Variants in NOTCH1 observed in about 807,000 individuals in gnomAD.
NOTCH1 encodes notch receptor 1.
A neutral mutation model predicts 254.8 loss-of-function variants in NOTCH1; 37 were observed. The ratio of observed to expected loss-of-function variants is 0.15; its 90% CI spans 0.11 to 0.19. The LOEUF is 0.19. NOTCH1 is among the 10% of genes least tolerant of loss of function. The probability of loss-of-function intolerance (pLI) is 1.00; values close to 1 mark genes in which losing one functional copy is unlikely to be tolerated. For missense variants in NOTCH1, 2,972 were observed against 3,708.6 expected, an observed-to-expected ratio of 0.80 and a Z score of 5.16; for synonymous variants, 1,731 against 1,618.1, an observed-to-expected ratio of 1.07 and a Z score of -1.68.
At chr9:136,536,884 C>T (rs948792140) in intron 2 of NOTCH1, among the ~76,000 whole-genome samples, 1 of 152,262 alleles carries the variant, frequency 6.6e-6, no homozygotes, top group African/African-American at 2.4e-5. Flanking sequence ...AATAAAGACC[C>T]TCTACTTTGC....
intron 2 of NOTCH1, among the ~76,000 whole-genome samples, chr9:136,535,545 C>T (rs189002100): frequency 6.3e-4 from 25 of 39,990 alleles, no homozygotes; most frequent in Admixed American, 1.4e-3. Flanking sequence ...GGATCCCTCC[C>T]GGGGCAATGG....
rs544228502 is a variant in NOTCH1 at position 136,533,939 on chromosome 9, G to T, written c.141-9960C>A. ...AATAAAGCCAGGTCTCCCCGCCGTGGCTCCCTGGGCGGGTGCCTGTGGCTC... is the reference window on the plus strand; with the variant it reads ...AATAAAGCCAGGTCTCCCCGCCGTGTCTCCCTGGGCGGGTGCCTGTGGCTC... On this transcript the variant is annotated intron_variant, in intron 2 of 33. Transcript: ENST00000651671. Among the ~76,000 whole-genome samples the T allele has an allele frequency of 2.6e-5, 4 of 152,374 alleles. No individual in the cohort carries two copies. In the South Asian group the frequency reaches 8.3e-4, roughly 32 times the overall value.
rs373795647 is a variant in NOTCH1 at position 136,505,150 on chromosome 9, C to A, written c.4587-46G>T. ...TCAGGCCGCCTTCCTCGGGGGGCCTCGCACCCGCCGTCCGGTGCCTCCAGC... is the reference window on the plus strand; with the variant it reads ...TCAGGCCGCCTTCCTCGGGGGGCCTAGCACCCGCCGTCCGGTGCCTCCAGC... On this transcript the variant is annotated intron_variant, in intron 25 of 33. Transcript: ENST00000651671. 3.8e-6 allele frequency: 6 copies of A among 1,567,590 alleles called. No homozygotes were observed. In the Admixed American group the frequency reaches 8.7e-5, roughly 23 times the overall value.
rs1177381686 is a variant in NOTCH1, at chr9:136,512,823, G to C, written c.2467+198C>G. 2.0e-5 allele frequency among the ~76,000 whole-genome samples: 3 copies of C among 152,160 alleles called. No homozygotes were observed. The East Asian group carries it at 5.8e-4, about 29-fold the overall frequency. The stretch of plus-strand genomic sequence containing the variant: ...GGCCCACATACTGCAGGGGCCTAAG[G>C]CACTCAGTGAGGCGCAGAACCTTCT... On this transcript the variant is annotated intron_variant, in intron 15 of 33. Coordinates refer to ENST00000651671, the MANE Select transcript of NOTCH1 (RefSeq NM_017617.5).
At position 136,504,986 on chromosome 9, in the gene NOTCH1, G is replaced by A. The variant is rs2133337305; in HGVS notation, c.4705C>T (p.Leu1569=). The A allele has an allele frequency of 1.3e-6, 2 of 1,596,292 alleles. No individual in the cohort carries two copies. The highest frequency in any genetic ancestry group is 1.7e-6 in the Non-Finnish European group (2 of 1,172,850). The change falls in exon 26 of 34, where the codon CTG becomes TTG. Residue 1569 remains leucine (L), a synonymous_variant. Transcript: ENST00000651671. ...ACCACCACCAGCGTGCCGGCCGCCA[G>A]CCTCTCGGGTACATGCTCCGCACAG... ...LDCAEHVPER[L]AAGTLVVVVL...
intron 2 of NOTCH1, among the ~76,000 whole-genome samples, chr9:136,531,028 C>T (rs1469949513): frequency 6.6e-6 from 1 of 152,264 alleles, no homozygotes; most frequent in Admixed American, 6.5e-5. Context: ...GGCTCCTGTT[C>T]TCCTCTGGAG....
At chr9:136,535,887 GTGGA>G (rs1843646128) in intron 2 of NOTCH1, among the ~76,000 whole-genome samples, 1 of 121,426 alleles carries the variant, frequency 8.2e-6, no homozygotes, top group Admixed American at 8.2e-5. Flanking sequence ...GTGGGAGTGG[GTGGA>G]GGGGGGAGCA....
Position 136,496,531 on chromosome 9 carries a change from T to C in NOTCH1, c.7208A>G (p.Gln2403Arg), listed in dbSNP as rs1330134407. 3 of 1,607,062 alleles carry C rather than the reference T, an allele frequency of 1.9e-6. No homozygotes were observed. Among genetic ancestry groups the C allele is most frequent in the Non-Finnish European group, 2.5e-6 (3 of 1,179,940 alleles). Residue 2403 changes from glutamine (Q) to arginine (R), a missense_variant, in exon 34 of 34, where the codon CAG (glutamine) becomes CGG (arginine). By Grantham distance (43) the Gln-to-Arg change is conservative. Transcript: ENST00000651671. ...QQQNLQPANIQQQQSLQPPPP... is the reference protein window; with the variant it reads ...QQQNLQPANIRQQQSLQPPPP... ...TGGCGGCTGCAGGCTTTGCTGCTGC[T>C]GGATGTTTGCTGGCTGCAGGTTCTG...
chr9:136,535,005 G>C (rs1181979759), intron 2 of NOTCH1, among the ~76,000 whole-genome samples: 94 of 30,644 alleles, frequency 3.1e-3, no homozygotes, highest in South Asian at 4.0e-3. Context: ...AGAGCCCCCA[G>C]TCCCTCCCCA....
intron 19 of NOTCH1, among the ~76,000 whole-genome samples, 182 bp downstream of exon 19, chr9:136,508,688 C>A (rs894323430): frequency 1.3e-5 from 2 of 152,248 alleles, no homozygotes; most frequent in Non-Finnish European, 2.9e-5. Flanking sequence ...AACGAAGGTG[C>A]CTGCTGCTTC....
At position 136,496,500 on chromosome 9, in the gene NOTCH1, T is replaced by C. The variant is rs772765037; in HGVS notation, c.7239A>G (p.Pro2413=). 1 of 1,602,218 alleles carries C rather than the reference T, an allele frequency of 6.2e-7. No homozygotes were observed. The highest frequency in any genetic ancestry group is 1.3e-5 in the African/African-American group (1 of 75,054). ...QQQQSLQPPP[P]PPQPHLGVSS... ...TCACGCCAAGGTGCGGCTGTGGTGG[T>C]GGTGGTGGCGGCTGCAGGCTTTGCT... The change falls in exon 34 of 34, where the codon CCA becomes CCG. Residue 2413 remains proline (P), a synonymous_variant. Coordinates refer to ENST00000651671, the MANE Select transcript of NOTCH1 (RefSeq NM_017617.5).
rs998046650 is a variant in NOTCH1, at chr9:136,507,815, C to T, written c.3510+140G>A. 4.7e-5 allele frequency: 43 copies of T among 916,976 alleles called. No individual in the cohort carries two copies. The African/African-American group carries it at 5.9e-4, about 13-fold the overall frequency. 56.8% of individuals were successfully genotyped at this position (916,976 alleles called of 1,614,324 possible). ...CTTCCAGGCAGTCTACCCTGATTACCCCAGCCCTCCCCTAATGAGACTGAA... is the reference window on the plus strand; with the variant it reads ...CTTCCAGGCAGTCTACCCTGATTACTCCAGCCCTCCCCTAATGAGACTGAA... On this transcript the variant is annotated intron_variant, in intron 21 of 33. Transcript: ENST00000651671.
At chr9:136,512,883 C>T (rs1352402292) in intron 15 of NOTCH1, 138 bp downstream of exon 15, 2 of 655,002 alleles carry the variant, frequency 3.1e-6, no homozygotes, top group East Asian at 3.0e-5. Flanking sequence ...ACCACTTTAC[C>T]CTCCAGTCAC....
At position 136,507,412 on chromosome 9, in the gene NOTCH1, T is replaced by A. The variant is rs1364764887; in HGVS notation, c.3536A>T (p.Asn1179Ile). The change falls in exon 22 of 34, where the codon AAC becomes ATC. Residue 1179 changes from asparagine to isoleucine, a missense_variant. Physicochemically the swap from Asn to Ile is moderately radical, Grantham distance 149. This residue lies in a region of NOTCH1 where 1,343 missense variants were observed against 1,557.0 expected (regional missense o/e 0.86). Coordinates refer to ENST00000651671, the MANE Select transcript of NOTCH1 (RefSeq NM_017617.5). ...CKCVAGYHGV[N>I]CSEEIDECLS... The stretch of plus-strand genomic sequence containing the variant: ...GCACTCGTCGATCTCCTCAGAGCAG[T>A]TCACCCCGTGGTAGCCGGCCACGCA... 1 of 1,610,412 alleles carries A rather than the reference T, an allele frequency of 6.2e-7. No individual in the cohort carries two copies. The highest frequency in any genetic ancestry group is 1.3e-5 in the African/African-American group (1 of 74,912).
chr9:136,523,254 C>A, intron 3 of NOTCH1, 66 bp from the exon 4 acceptor site: 1 of 1,488,134 alleles, frequency 6.7e-7, no homozygotes, highest in South Asian at 1.2e-5. Context: ...CCTTCCCTCC[C>A]TTCAGGCCAC....
At chr9:136,507,691 G>A (rs1368316275) in intron 21 of NOTCH1, among the ~76,000 whole-genome samples, 1 of 152,166 alleles carries the variant, frequency 6.6e-6, no homozygotes, top group African/African-American at 2.4e-5. Flanking sequence ...GGGCCTCAGG[G>A]TAGGTGTTGG....
chr9:136,505,927 C>T (rs764386698), intron 24 of NOTCH1, 46 bp from the exon 25 acceptor site: 30 of 1,485,032 alleles, frequency 2.0e-5, no homozygotes, highest in African/African-American at 2.8e-5. Flanking sequence ...GGCCACCCCC[C>T]GCCCCCCCGC....
chr9:136,544,377 T>G (rs1320935748), intron 1 of NOTCH1, among the ~76,000 whole-genome samples: 1 of 151,934 alleles, frequency 6.6e-6, no homozygotes, highest in African/African-American at 2.4e-5. Flanking sequence ...TGAAGCAGGG[T>G]GGGGTGGCCT....
intron 19 of NOTCH1, 78 bp downstream of exon 19, chr9:136,508,792 G>GT: frequency 7.1e-7 from 1 of 1,399,526 alleles, no homozygotes; most frequent in Non-Finnish European, 9.7e-7. Context: ...GGGACCTGGG[G>GT]TGACCGTTCC....
Sources: allele counts gnomAD v4.1 joint callset (sites outside exome capture counted in the v4.1 genomes callset), GRCh38; gene constraint gnomAD v4.1.1; regional missense constraint gnomAD v4.1.1; transcripts MANE v1.5; gene names NCBI Gene and HGNC (gene_info 2026-07-23, HGNC 2026-07-21).